MSI2: variants seen among roughly 807,000 people sequenced by gnomAD.
The protein encoded by MSI2 is RNA-binding protein Musashi homolog 2.
In MSI2, 17 loss-of-function variants were observed where a neutral mutation model predicts 45.6. The ratio of observed to expected loss-of-function variants is 0.37; its 90% confidence interval spans 0.26 to 0.56. MSI2 has a LOEUF of 0.56. Among genes scored for constraint, MSI2 ranks in the 20% least tolerant of loss-of-function variants. MSI2 has a pLI of 0.77. For missense variants in MSI2, 293 were observed against 444.2 expected (o/e 0.66, Z 3.06); for synonymous variants, 156 against 158.2 (o/e 0.99, Z 0.11).
At chr17:57,501,654 C>T (rs2086109493) in intron 6 of MSI2, among the ~76,000 whole-genome samples, 1 of 152,170 alleles carries the variant, frequency 6.6e-6, no homozygotes, top group Non-Finnish European at 1.5e-5. Context: ...ACCAAATGAA[C>T]AGTATGTGTG....
intron 9 of MSI2, among the ~76,000 whole-genome samples, chr17:57,621,117 A>C (rs1048192500): frequency 1.3e-5 from 2 of 151,770 alleles, no homozygotes; most frequent in Non-Finnish European, 2.9e-5. Context: ...TCTTCCCTCG[A>C]AAGTGGTAGT....
At chr17:57,389,018 A>G (rs576558790) in intron 5 of MSI2, among the ~76,000 whole-genome samples, 16 of 139,926 alleles carry the variant, frequency 1.1e-4, no homozygotes, top group African/African-American at 4.3e-4. Flanking sequence ...TCACTCTGTC[A>G]CCCAGGCTGG....
At chr17:57,467,750 G>T (rs965632266) in intron 6 of MSI2, among the ~76,000 whole-genome samples, 1 of 152,058 alleles carries the variant, frequency 6.6e-6, no homozygotes, top group East Asian at 1.9e-4. Flanking sequence ...ACAGTCTTCC[G>T]TGAACATTTA....
At chr17:57,564,095 A>G (rs2087667400) in intron 7 of MSI2, among the ~76,000 whole-genome samples, 1 of 152,188 alleles carries the variant, frequency 6.6e-6, no homozygotes, top group African/African-American at 2.4e-5. Context: ...TCAAGACACA[A>G]AGGCCCCCAT....
chr17:57,622,617 C>T (rs546352238), intron 9 of MSI2, among the ~76,000 whole-genome samples: 3 of 151,912 alleles, frequency 2.0e-5, no homozygotes, highest in South Asian at 2.1e-4. Flanking sequence ...AGTCCTGACT[C>T]AGTGTTCCCT....
chr17:57,694,168 G>C, the MSI2 span, among the ~76,000 whole-genome samples: 1 of 152,298 alleles, frequency 6.6e-6, no homozygotes, highest in Admixed American at 6.5e-5. Context: ...CTGGTCCTTT[G>C]TAGACAAAGT....
At position 57,257,066 on chromosome 17, in the gene MSI2, G is replaced by A. The variant is rs767849711; in HGVS notation, c.63-32G>A. 10 of 1,598,168 alleles carry A rather than the reference G, an allele frequency of 6.3e-6. No homozygotes were observed. The Admixed American group carries it at 1.7e-4, about 27-fold the overall frequency. On this transcript the variant is annotated intron_variant, in intron 1 of 13. Transcript: ENST00000284073. ...CGTCAAAATGGCCGATCTGACATCG[G>A]TGCTCACTTCTGTTATGTTTTCTCC...
intron 9 of MSI2, among the ~76,000 whole-genome samples, chr17:57,623,726 G>A (rs1364452346): frequency 1.3e-5 from 2 of 152,204 alleles, no homozygotes; most frequent in Admixed American, 1.3e-4. Flanking sequence ...TCATCCCACC[G>A]TAATGTGGCT....
At chr17:57,395,809 C>G (rs1018505498) in intron 5 of MSI2, among the ~76,000 whole-genome samples, 1 of 152,202 alleles carries the variant, frequency 6.6e-6, no homozygotes, top group Non-Finnish European at 1.5e-5. Context: ...TTCAGTGTCA[C>G]TGGACAGGAT....
At chr17:57,398,789 C>T (rs567590673) in intron 5 of MSI2, among the ~76,000 whole-genome samples, 1 of 152,304 alleles carries the variant, frequency 6.6e-6, no homozygotes, top group East Asian at 1.9e-4. Flanking sequence ...ATATAAGCTC[C>T]GGCACCTCGC....
chr17:57,346,595 T>A (rs1464375279), intron 5 of MSI2, among the ~76,000 whole-genome samples: 2 of 152,114 alleles, frequency 1.3e-5, no homozygotes, highest in Non-Finnish European at 2.9e-5. Context: ...TAGCAGAACA[T>A]TTTGCAAAGT....
chr17:57,504,185 G>A (rs1011093174), intron 6 of MSI2, among the ~76,000 whole-genome samples: 13 of 152,186 alleles, frequency 8.5e-5, no homozygotes, highest in African/African-American at 2.6e-4. Flanking sequence ...TCTCGGTTCC[G>A]CCTCTTCCTG....
intron 5 of MSI2, chr17:57,266,813 A>C (rs1230315368): frequency 6.6e-6 from 1 of 152,226 alleles, no homozygotes; most frequent in Non-Finnish European, 1.5e-5. Flanking sequence ...TGCTTTTTTC[A>C]CCGTGGAGGT....
At chr17:57,405,675 A>G (rs1014016076) in intron 6 of MSI2, among the ~76,000 whole-genome samples, 5 of 152,204 alleles carry the variant, frequency 3.3e-5, no homozygotes, top group African/African-American at 7.2e-5. Context: ...ACTTCATCCT[A>G]TGAGTAAGAG....
At chr17:57,598,764 G>A (rs866400615) in intron 8 of MSI2, among the ~76,000 whole-genome samples, 5 of 152,280 alleles carry the variant, frequency 3.3e-5, no homozygotes, top group African/African-American at 9.6e-5. Context: ...CCGGGCTCAA[G>A]CAATTCTCCT....
At chr17:57,373,227 C>A (rs1194014056) in intron 5 of MSI2, among the ~76,000 whole-genome samples, 6 of 147,988 alleles carry the variant, frequency 4.1e-5, no homozygotes, top group African/African-American at 7.5e-5. Flanking sequence ...TCCAGCCTGT[C>A]AAAAAAAAAA....
chr17:57,357,577 C>CGCT (rs1376866226), intron 5 of MSI2, among the ~76,000 whole-genome samples: 1 of 152,156 alleles, frequency 6.6e-6, no homozygotes, highest in Admixed American at 6.5e-5. Flanking sequence ...TTGCATAGGC[C>CGCT]GCTGCTGCTT....
intron 6 of MSI2, among the ~76,000 whole-genome samples, chr17:57,473,479 G>T (rs999888407): frequency 6.6e-6 from 1 of 152,184 alleles, no homozygotes; most frequent in Non-Finnish European, 1.5e-5. Flanking sequence ...AAAAAGAAAT[G>T]AAAACAAACA....
intron 6 of MSI2, among the ~76,000 whole-genome samples, chr17:57,414,560 T>G (rs1003028357): frequency 6.6e-6 from 1 of 152,060 alleles, no homozygotes; most frequent in Non-Finnish European, 1.5e-5. Context: ...TGGCTAATTT[T>G]TTGTATTTTT....
Sources: allele counts gnomAD v4.1 joint callset (sites outside exome capture counted in the v4.1 genomes callset), GRCh38; gene constraint gnomAD v4.1.1; transcripts MANE v1.5; gene names NCBI Gene and HGNC (gene_info 2026-07-23, HGNC 2026-07-21).